The following RALYL variants were observed in gnomAD, a reference collection of about 807,000 sequenced individuals.
RALYL encodes RNA-binding Raly-like protein.
RALYL carries 29 observed loss-of-function variants against 35.1 expected under a neutral mutation model. The observed-to-expected ratio is 0.83, with a 90% CI of 0.61 to 1.13. RALYL has a LOEUF of 1.13. Among genes scored for constraint, RALYL ranks in the 50% most tolerant of loss-of-function variants. The probability of loss-of-function intolerance (pLI) is 0.00; values close to 1 mark genes in which losing one functional copy is unlikely to be tolerated. For synonymous variants in RALYL, 120 were observed against 127.6 expected (o/e 0.94, Z 0.40); for missense variants, 359 against 360.4 (o/e 1.00, Z 0.03).
intron 1 of RALYL, among the ~76,000 whole-genome samples, chr8:84,401,846 G>A (rs75941011): frequency 0.028 from 4,192 of 150,662 alleles, 188 homozygotes; most frequent in African/African-American, 0.096. Flanking sequence ...TTCTGATAAG[G>A]ACTTTAATTT....
chr8:84,542,757 A>G lies in RALYL; in HGVS notation c.256+13180A>G, dbSNP rs2060104027. 2.6e-5 allele frequency among the ~76,000 whole-genome samples: 4 copies of G among 152,196 alleles called. No individual in the cohort carries two copies. The South Asian group carries it at 8.3e-4, about 32-fold the overall frequency. On this transcript the variant is annotated intron_variant, in intron 2 of 8. Transcript: ENST00000521268. ...TTTCTTCATAGCAGCATGAGAATGG[A>G]CTAATACATTATCTCACTGAATATA...
At chr8:84,535,145 C>G (rs992693561) in intron 2 of RALYL, among the ~76,000 whole-genome samples, 8 of 152,128 alleles carry the variant, frequency 5.3e-5, no homozygotes, top group African/African-American at 1.9e-4. Context: ...CACAACAATG[C>G]CAATAAATAA....
Position 84,804,803 on chromosome 8 carries a change from G to A in RALYL, c.365+1G>A. ...CAAAGGAACCTTTCCTGTCTGTTGG[G>A]TAAGTATATATTTAAATACTTTAAG... On this transcript the variant is annotated splice_donor_variant, in intron 4 of 8. Transcript: ENST00000521268. LOFTEE classifies it high-confidence loss of function. 1 of 1,136,940 alleles carries A rather than the reference G, an allele frequency of 8.8e-7. No homozygotes were observed. The highest frequency in any genetic ancestry group is 2.3e-5 in the South Asian group (1 of 42,956). The allele number at this position is 1,136,940 out of a possible 1,614,324, so 70.4% of individuals were successfully genotyped here. A position where few individuals can be genotyped will look rare whatever the true frequency, so the allele number is the denominator to read the frequency against.
chr8:84,462,601 A>T (rs139732440), intron 1 of RALYL, among the ~76,000 whole-genome samples: 1,987 of 136,776 alleles, frequency 0.015, 21 homozygotes, highest in Middle Eastern at 0.036. Flanking sequence ...ATCTAGATTC[A>T]TTTTTTTTTT....
intron 2 of RALYL, among the ~76,000 whole-genome samples, chr8:84,619,622 T>C (rs2131035926): frequency 6.7e-6 from 1 of 150,180 alleles, no homozygotes; most frequent in Middle Eastern, 3.4e-3. Flanking sequence ...ATGTGTGAAT[T>C]TGATCCTGTC....
At chr8:84,677,211 T>A (rs1834390348) in intron 2 of RALYL, among the ~76,000 whole-genome samples, 1 of 152,236 alleles carries the variant, frequency 6.6e-6, no homozygotes. Context: ...AACTTGTTTT[T>A]CCCGAGTTGT....
chr8:84,615,359 G>A (rs1219800980), intron 2 of RALYL, among the ~76,000 whole-genome samples: 5 of 148,640 alleles, frequency 3.4e-5, no homozygotes, highest in Non-Finnish European at 5.9e-5. Flanking sequence ...AAAACAGAAC[G>A]TCCTTATGCG....
intron 1 of RALYL, among the ~76,000 whole-genome samples, chr8:84,449,882 A>T (rs1460654444): frequency 6.6e-6 from 1 of 151,954 alleles, no homozygotes; most frequent in Non-Finnish European, 1.5e-5. Flanking sequence ...TCATTATTGC[A>T]TTTACCACAT....
chr8:84,386,132 A>C (rs1859143941), intron 1 of RALYL, among the ~76,000 whole-genome samples: 1 of 151,816 alleles, frequency 6.6e-6, no homozygotes, highest in Admixed American at 6.6e-5. Flanking sequence ...TAGAGGAAAT[A>C]GACTACATTT....
intron 1 of RALYL, among the ~76,000 whole-genome samples, chr8:84,321,917 T>C (rs1485402902): frequency 6.6e-6 from 1 of 151,952 alleles, no homozygotes; most frequent in Non-Finnish European, 1.5e-5. Flanking sequence ...AGGAAAATTA[T>C]CAGAAATAGG....
At chr8:84,569,275 G>A in intron 2 of RALYL, among the ~76,000 whole-genome samples, 4 of 151,840 alleles carry the variant, frequency 2.6e-5, no homozygotes, top group Non-Finnish European at 5.9e-5. Context: ...TGGCTAGCCA[G>A]TTTTCCCAGC....
At chr8:84,511,618 C>A (rs2057629320) in intron 1 of RALYL, among the ~76,000 whole-genome samples, 2 of 152,158 alleles carry the variant, frequency 1.3e-5, no homozygotes, top group South Asian at 4.2e-4. Context: ...AATAGTCATT[C>A]TACTGTGCTA....
intron 2 of RALYL, among the ~76,000 whole-genome samples, chr8:84,570,491 A>G (rs1164176348): frequency 1.3e-5 from 2 of 151,732 alleles, no homozygotes; most frequent in Non-Finnish European, 2.9e-5. Flanking sequence ...GAGGAATCTT[A>G]GGGTTGTCTA....
chr8:84,826,742 C>A (rs934353686), intron 4 of RALYL, among the ~76,000 whole-genome samples: 4 of 151,674 alleles, frequency 2.6e-5, no homozygotes, highest in East Asian at 3.9e-4. Flanking sequence ...ATTCACACAC[C>A]CACCCACACA....
chr8:84,396,365 C>T (rs911105187), intron 1 of RALYL, among the ~76,000 whole-genome samples: 1 of 152,078 alleles, frequency 6.6e-6, no homozygotes, highest in African/African-American at 2.4e-5. Flanking sequence ...CATCAAATCT[C>T]AGGTCTGCAT....
chr8:84,605,640 G>A (rs973425068), intron 2 of RALYL, among the ~76,000 whole-genome samples: 2 of 152,080 alleles, frequency 1.3e-5, no homozygotes, highest in Non-Finnish European at 2.9e-5. Context: ...TGTACATTGG[G>A]TCTATTATTA....
intron 1 of RALYL, among the ~76,000 whole-genome samples, chr8:84,408,622 G>A (rs573527178): frequency 5.9e-5 from 9 of 152,218 alleles, no homozygotes; most frequent in Admixed American, 5.2e-4. Context: ...GAACCCAGGT[G>A]GGTTGGGGCT....
intron 1 of RALYL, among the ~76,000 whole-genome samples, chr8:84,464,144 T>TG (rs972507324): frequency 6.9e-6 from 1 of 144,470 alleles, no homozygotes; most frequent in African/African-American, 2.6e-5. Context: ...TTTTTTTTGT[T>TG]TTTTTTTTTA....
chr8:84,348,700 T>G (rs1222869321), intron 1 of RALYL, among the ~76,000 whole-genome samples: 1 of 152,114 alleles, frequency 6.6e-6, no homozygotes, highest in African/African-American at 2.4e-5. Context: ...ATTTAAAAAT[T>G]TAATCCAATA....
Sources: gnomAD v4.1 joint callset for allele counts (sites outside exome capture counted in the v4.1 genomes callset) on GRCh38, gnomAD v4.1.1 for gene constraint, MANE v1.5 for transcripts, NCBI Gene and HGNC (gene_info 2026-07-23, HGNC 2026-07-21) for gene names.